HFM1: variants seen among roughly 807,000 people sequenced by gnomAD.
HFM1 encodes the protein helicase for meiosis 1.
In HFM1, 169 loss-of-function variants were observed where a neutral mutation model predicts 192.1. The observed-to-expected ratio is 0.88, with a 90% CI of 0.78 to 1.00. HFM1 has a LOEUF of 1.00. Ranked by LOEUF, HFM1 falls within the 50% of genes least tolerant of loss-of-function variation. The probability of loss-of-function intolerance (pLI) is 0.00; values close to 1 mark genes in which losing one functional copy is unlikely to be tolerated. For missense variants in HFM1, 1,661 were observed against 1,668.0 expected (o/e 1.00, Z 0.07); for synonymous variants, 525 against 537.8 (o/e 0.98, Z 0.33).
At chr1:91,315,072 G>C (rs191854585) in intron 28 of HFM1, among the ~76,000 whole-genome samples, 1 of 152,274 alleles carries the variant, frequency 6.6e-6, no homozygotes, top group East Asian at 1.9e-4. Flanking sequence ...TTCAAATCTA[G>C]ACTTTGCTAT....
chr1:91,279,149 T>G lies in HFM1; in HGVS notation c.3392-2087A>C, dbSNP rs1667229943. 2.0e-5 allele frequency among the ~76,000 whole-genome samples: 3 copies of G among 152,100 alleles called. No homozygotes were observed. In the South Asian group the frequency reaches 6.2e-4, roughly 31 times the overall value. ...GAAATCCTATAATAAGATTCTGAAA[T>G]CCTATAATAAGATTCTGAAATCCTA... On this transcript the variant is annotated intron_variant, in intron 30 of 38. Coordinates refer to ENST00000370425, the MANE Select transcript of HFM1 (RefSeq NM_001017975.6).
At chr1:91,262,456 AAAAC>A (rs764224022) in intron 37 of HFM1, 21 bp downstream of exon 37, 7 of 1,574,202 alleles carry the variant, frequency 4.4e-6, no homozygotes, top group South Asian at 1.2e-5. Flanking sequence ...ATTTAAAAGA[AAAAC>A]AAAGAAGTGC....
chr1:91,350,510 C>A (rs1385138331), intron 18 of HFM1, among the ~76,000 whole-genome samples: 2 of 151,936 alleles, frequency 1.3e-5, no homozygotes, highest in Non-Finnish European at 2.9e-5. Flanking sequence ...TCTACTAGAT[C>A]TATTTTTAAT....
chr1:91,391,688 T>C (rs1330289007), intron 4 of HFM1, among the ~76,000 whole-genome samples: 5 of 152,272 alleles, frequency 3.3e-5, no homozygotes, highest in Admixed American at 3.3e-4. Context: ...GACATAGGCA[T>C]GGGCAAGGAC....
chr1:91,323,014 AT>A lies in HFM1; in HGVS notation c.2535-18del, dbSNP rs936802922. The A allele has an allele frequency of 2.9e-6, 4 of 1,362,492 alleles. No individual in the cohort carries two copies. Among genetic ancestry groups the A allele is most frequent in the Middle Eastern group, 5.1e-4 (2 of 3,894 alleles). 84.4% of individuals were successfully genotyped at this position (1,362,492 alleles called of 1,614,324 possible). ...ATTGGAAATCTGTAAATAAAACCAC[AT>A]GGCAAAACATTTATTATTATTTATT... On this transcript the variant is annotated intron_variant, in intron 22 of 38. Coordinates refer to ENST00000370425, the MANE Select transcript of HFM1 (RefSeq NM_001017975.6).
At chr1:91,277,089 C>G in intron 30 of HFM1, 27 bp from the exon 31 acceptor site, 3 of 1,188,236 alleles carry the variant, frequency 2.5e-6, no homozygotes, top group Non-Finnish European at 2.5e-6. Flanking sequence ...AAAACAAATC[C>G]ATTTGTCACT....
intron 4 of HFM1, among the ~76,000 whole-genome samples, chr1:91,387,550 G>A (rs1250438334): frequency 2.0e-5 from 3 of 151,978 alleles, no homozygotes; most frequent in African/African-American, 4.8e-5. Context: ...TTTGACAGGT[G>A]TACAGCCCCA....
chr1:91,359,515 A>G (rs188275918), intron 13 of HFM1, among the ~76,000 whole-genome samples: 1 of 150,036 alleles, frequency 6.7e-6, no homozygotes, highest in East Asian at 2.0e-4. Flanking sequence ...CTGAGCTAGA[A>G]GATTATCTTT....
rs142483984 is a variant in HFM1, at chr1:91,399,870, A to C, written c.71+1142T>G. On this transcript the variant is annotated intron_variant, in intron 2 of 38. Coordinates refer to ENST00000370425, the MANE Select transcript of HFM1 (RefSeq NM_001017975.6). ...TTTTTGACCATATTTTCAGAAAAAC[A>C]ACCGTATATTACAAAATTTGCATTG... Among the ~76,000 whole-genome samples, 202 of 152,352 alleles carry C rather than the reference A, an allele frequency of 1.3e-3. 1 individual carries two copies. Among genetic ancestry groups the C allele is most frequent in the African/African-American group, 4.7e-3 (197 of 41,590 alleles).
intron 2 of HFM1, among the ~76,000 whole-genome samples, chr1:91,400,363 TGA>T (rs1397781682): frequency 6.6e-6 from 1 of 152,232 alleles, no homozygotes; most frequent in Non-Finnish European, 1.5e-5. Flanking sequence ...TTCCAGATGG[TGA>T]CGTCATTCCT....
intron 33 of HFM1, 26 bp from the exon 34 acceptor site, chr1:91,273,841 T>C (rs549075913): frequency 1.4e-4 from 177 of 1,234,572 alleles, no homozygotes; most frequent in Non-Finnish European, 1.9e-4. Flanking sequence ...ACCATGAAAA[T>C]GTTAAAGAAA....
chr1:91,352,448 C>A, intron 16 of HFM1, 58 bp downstream of exon 16: 1 of 1,321,842 alleles, frequency 7.6e-7, no homozygotes, highest in Non-Finnish European at 1.0e-6. Context: ...AAAAAATACA[C>A]AATTTTTTTG....
At position 91,313,372 on chromosome 1, in the gene HFM1, G is replaced by GAT; in HGVS notation, c.3366_3367dup (p.Ser1123TyrfsTer4). 1 of 1,581,356 alleles carries GAT rather than the reference G, an allele frequency of 6.3e-7. No individual in the cohort carries two copies. The highest frequency in any genetic ancestry group is 8.6e-7 in the Non-Finnish European group (1 of 1,157,188). On this transcript the variant is annotated frameshift_variant, in exon 30 of 39. Coordinates refer to ENST00000370425, the MANE Select transcript of HFM1 (RefSeq NM_001017975.6). LOFTEE classifies it high-confidence loss of function. ...ACCTTTATTAGGTCCTGCTATTGTA[G>GAT]ATATGTCTGAATGTTTAGAATGGGA...
At chr1:91,309,604 AGAGT>A (rs1650141832) in intron 30 of HFM1, among the ~76,000 whole-genome samples, 1 of 152,200 alleles carries the variant, frequency 6.6e-6, no homozygotes, top group African/African-American at 2.4e-5. Context: ...GATCATATTA[AGAGT>A]GATAGTCTGA....
chr1:91,306,879 T>C (rs1415795778), intron 30 of HFM1, among the ~76,000 whole-genome samples: 2 of 152,204 alleles, frequency 1.3e-5, no homozygotes, highest in African/African-American at 4.8e-5. Context: ...ATCAGACTAC[T>C]CAGATTTTAT....
In HFM1 at chr1:91,323,128, AT is replaced by A; in HGVS notation, c.2498del (p.Asn833IlefsTer3). On this transcript the variant is annotated frameshift_variant, in exon 22 of 39. Coordinates refer to ENST00000370425, the MANE Select transcript of HFM1 (RefSeq NM_001017975.6). LOFTEE classifies it high-confidence loss of function. ...TCCGATTTGGATCTTTGTTCAAAGTATTCAGTGTTTTCTTTTCATTTATCCT... is the reference window on the plus strand; with the variant it reads ...TCCGATTTGGATCTTTGTTCAAAGTATCAGTGTTTTCTTTTCATTTATCCT... Reference protein sequence around the residue: ...QLRINEKKTLNTLNKDPNRIT... With the variant: ...QLRINEKKTLXTLNKDPNRIT... 1 of 1,590,302 alleles carries A rather than the reference AT, an allele frequency of 6.3e-7. No homozygotes were observed. The highest frequency in any genetic ancestry group is 8.6e-7 in the Non-Finnish European group (1 of 1,162,670).
In HFM1 at chr1:91,363,759, A is replaced by G. The variant is rs926943732; in HGVS notation, c.1686-10460T>C. 2.6e-5 allele frequency among the ~76,000 whole-genome samples: 4 copies of G among 152,354 alleles called. No homozygotes were observed. In the East Asian group the frequency reaches 7.7e-4, roughly 29 times the overall value. On this transcript the variant is annotated intron_variant, in intron 13 of 38. Transcript: ENST00000370425. ...ACATATGTTCATTGCAGCATTATTC[A>G]CAATAGCAAAGACATGGAATCAACC...
At chr1:91,362,624 T>C (rs371858255) in intron 13 of HFM1, among the ~76,000 whole-genome samples, 1 of 152,188 alleles carries the variant, frequency 6.6e-6, no homozygotes, top group African/African-American at 2.4e-5. Flanking sequence ...CTGCCCAAAG[T>C]AATTTATAGA....
intron 30 of HFM1, among the ~76,000 whole-genome samples, chr1:91,303,590 GT>G (rs927275742): frequency 6.6e-6 from 1 of 152,162 alleles, no homozygotes; most frequent in African/African-American, 2.4e-5. Flanking sequence ...AATACCAACT[GT>G]TTTTCAAAGC....
Sources: allele counts gnomAD v4.1 joint callset (sites outside exome capture counted in the v4.1 genomes callset), GRCh38; gene constraint gnomAD v4.1.1; transcripts MANE v1.5; gene names NCBI Gene and HGNC (gene_info 2026-07-23, HGNC 2026-07-21).